The following C4orf51 variants were observed in gnomAD, a reference collection of about 807,000 sequenced individuals.
C4orf51 encodes uncharacterized protein C4orf51.
A neutral mutation model predicts 25.2 loss-of-function variants in C4orf51; 25 were observed. The ratio of observed to expected loss-of-function variants is 0.99; its 90% CI spans 0.72 to 1.39. C4orf51 has a LOEUF of 1.39. C4orf51 is among the 40% of genes most tolerant of loss of function. The pLI, the probability that C4orf51 is intolerant of heterozygous loss-of-function variation, is 0.00. For missense variants in C4orf51, 252 were observed against 239.6 expected, an observed-to-expected ratio of 1.05 and a Z score of -0.34; for synonymous variants, 100 against 84.5, an observed-to-expected ratio of 1.18 and a Z score of -1.01.
chr4:145,753,364 A>G (rs1733785730), intron 1 of C4orf51, among the ~76,000 whole-genome samples: 1 of 151,168 alleles, frequency 6.6e-6, no homozygotes, highest in East Asian at 1.9e-4. Flanking sequence ...TATCTTTATT[A>G]TGTATGTACC....
downstream of C4orf51, among the ~76,000 whole-genome samples, chr4:145,732,947 G>A (rs1732568128): frequency 1.3e-5 from 2 of 152,176 alleles, no homozygotes; most frequent in South Asian, 2.1e-4. Context: ...TATTCAGAGC[G>A]GTCACCCAGC....
At chr4:145,770,540 G>A (rs1736112283) in intron 1 of C4orf51, among the ~76,000 whole-genome samples, 2 of 151,292 alleles carry the variant, frequency 1.3e-5, no homozygotes, top group African/African-American at 2.4e-5. Flanking sequence ...ACAATGTCTG[G>A]ATCATGGTAA....
intron 2 of C4orf51, among the ~76,000 whole-genome samples, chr4:145,719,794 G>T (rs1459682789): frequency 6.6e-6 from 1 of 152,134 alleles, no homozygotes; most frequent in African/African-American, 2.4e-5. Flanking sequence ...TGCGCTAAAG[G>T]AGATACAGCC....
downstream of C4orf51, chr4:145,775,980 A>C: frequency 6.2e-7 from 1 of 1,614,038 alleles, no homozygotes. Flanking sequence ...AAGGAACAGG[A>C]AAAAGCCCAA....
chr4:145,690,214 A>T lies in C4orf51; in HGVS notation c.234-6345A>T, dbSNP rs979135574. On this transcript the variant is annotated intron_variant, in intron 1 of 5. Transcript: ENST00000438731. ...AAGAGCAAACCTCCGTAAAAAAAAT[A>T]AATAAAATAGGCTGGGCGCGGTGGC... Among the ~76,000 whole-genome samples, 6 of 138,238 alleles carry T rather than the reference A, an allele frequency of 4.3e-5. No individual in the cohort carries two copies. The South Asian group carries it at 1.4e-3, about 33-fold the overall frequency. 90.7% of individuals were successfully genotyped at this position (138,238 alleles called of 152,430 possible).
chr4:145,752,996 C>G (rs561676658), intron 1 of C4orf51, among the ~76,000 whole-genome samples: 5 of 152,294 alleles, frequency 3.3e-5, no homozygotes, highest in African/African-American at 1.2e-4. Context: ...CTGCGTGCCA[C>G]GTGGCCGCTG....
chr4:145,728,999 C>G (rs1732268181), intron 3 of C4orf51, among the ~76,000 whole-genome samples, 170 bp from the exon 4 acceptor site: 1 of 151,756 alleles, frequency 6.6e-6, no homozygotes, highest in Non-Finnish European at 1.5e-5. Flanking sequence ...CCTGCCTCAG[C>G]CTCCCAAGTG....
chr4:145,737,742 C>G (rs907420626), downstream of C4orf51, among the ~76,000 whole-genome samples: 10 of 152,302 alleles, frequency 6.6e-5, no homozygotes, highest in African/African-American at 2.2e-4. Context: ...TGAGCAGTAT[C>G]CTTTTGATCT....
chr4:145,771,664 G>A (rs1736304418), downstream of C4orf51, among the ~76,000 whole-genome samples: 1 of 151,000 alleles, frequency 6.6e-6, no homozygotes, highest in Non-Finnish European at 1.5e-5. Flanking sequence ...CAGTTCCTCA[G>A]GTATCCCTTT....
rs189563620 is a variant in C4orf51, at chr4:145,722,357, T to C, written c.308-4554T>C. ...TATCATAACAGTATATCCTAAATAC[T>C]TCTGCATGAGTCTCCTATGGATAAG... is the stretch of plus-strand genomic sequence containing the variant. On this transcript the variant is annotated intron_variant, in intron 2 of 5. Transcript: ENST00000438731. Among the ~76,000 whole-genome samples, 13 of 152,342 alleles carry C rather than the reference T, an allele frequency of 8.5e-5. No homozygotes were observed. The East Asian group carries it at 9.6e-4, about 11-fold the overall frequency.
intron 2 of C4orf51, 115 bp downstream of exon 2, chr4:145,696,747 T>G: frequency 1.3e-6 from 1 of 790,326 alleles, no homozygotes; most frequent in Non-Finnish European, 2.0e-6. Flanking sequence ...AAATAAAAAT[T>G]GTAGGCCGGG....
chr4:145,732,355 T>C, intron 5 of C4orf51, 98 bp from the exon 6 acceptor site: 1 of 699,728 alleles, frequency 1.4e-6, no homozygotes, highest in Admixed American at 2.3e-5. Context: ...TGCTCATGAA[T>C]GATGTCTGGT....
At chr4:145,788,621 T>C in the C4orf51 span, among the ~76,000 whole-genome samples, 1 of 152,214 alleles carries the variant, frequency 6.6e-6, no homozygotes, top group South Asian at 2.1e-4. Flanking sequence ...AGGACTGTTG[T>C]ACTGAACAGC....
At chr4:145,774,666 G>C, downstream of C4orf51, 4 of 1,613,492 alleles carry the variant, frequency 2.5e-6, no homozygotes, top group Non-Finnish European at 3.4e-6. Context: ...ATCCACACAC[G>C]TGACAACTAC....
chr4:145,716,726 T>A (rs890287588), intron 2 of C4orf51, among the ~76,000 whole-genome samples: 2 of 152,124 alleles, frequency 1.3e-5, no homozygotes, highest in African/African-American at 4.8e-5. Context: ...CTTATTGGGT[T>A]TTCCTAAATA....
chr4:145,790,280 G>C, the C4orf51 span, among the ~76,000 whole-genome samples: 16 of 152,044 alleles, frequency 1.1e-4, no homozygotes, highest in African/African-American at 3.9e-4. Flanking sequence ...TCTCTTGTTT[G>C]TCATTGAACT....
the C4orf51 span, among the ~76,000 whole-genome samples, chr4:145,782,408 A>C: frequency 2.0e-5 from 3 of 152,150 alleles, no homozygotes; most frequent in African/African-American, 7.2e-5. Context: ...ACTCTCCTGC[A>C]TCTCCTGTGA....
At chr4:145,685,002 A>G (rs373595191) in intron 1 of C4orf51, among the ~76,000 whole-genome samples, 76 of 152,338 alleles carry the variant, frequency 5.0e-4, no homozygotes, top group African/African-American at 1.7e-3. Flanking sequence ...ATACACAATC[A>G]TAGTTGAACA....
intron 1 of C4orf51, among the ~76,000 whole-genome samples, chr4:145,685,833 A>G (rs1729122079): frequency 6.6e-6 from 1 of 152,176 alleles, no homozygotes; most frequent in Non-Finnish European, 1.5e-5. Flanking sequence ...TAAGCTGGAA[A>G]TCAATGACAA....
Sources: allele counts gnomAD v4.1 joint callset (sites outside exome capture counted in the v4.1 genomes callset), GRCh38; gene constraint gnomAD v4.1.1; transcripts MANE v1.5; gene names NCBI Gene and HGNC (gene_info 2026-07-23, HGNC 2026-07-21).